Variants in AGBL4 observed in about 807,000 individuals in gnomAD.
AGBL4 encodes AGBL carboxypeptidase 4.
AGBL4 carries 58 observed loss-of-function variants against 66.4 expected under a neutral mutation model. The observed-to-expected ratio is 0.87, with a 90% CI of 0.71 to 1.09. The LOEUF is 1.09. Among genes scored for constraint, AGBL4 ranks in the 50% least tolerant of loss-of-function variants. The pLI, the probability that AGBL4 is intolerant of heterozygous loss-of-function variation, is 0.00. For synonymous variants in AGBL4, 234 were observed against 222.9 expected, an observed-to-expected ratio of 1.05 and a Z score of -0.44; for missense variants, 579 against 631.0, an observed-to-expected ratio of 0.92 and a Z score of 0.88.
intron 4 of AGBL4, among the ~76,000 whole-genome samples, chr1:49,153,813 C>G (rs1355799010): frequency 6.6e-6 from 1 of 151,820 alleles, no homozygotes; most frequent in Non-Finnish European, 1.5e-5. Flanking sequence ...TATGTAGATA[C>G]ATTTGGAAGC....
intron 4 of AGBL4, among the ~76,000 whole-genome samples, chr1:49,106,735 G>A (rs1372680824): frequency 6.6e-6 from 1 of 152,144 alleles, no homozygotes; most frequent in Non-Finnish European, 1.5e-5. Context: ...GTTCCCCAAG[G>A]AGTGCCTGAA....
chr1:49,519,367 A>T lies in AGBL4; in HGVS notation c.282+177946T>A, dbSNP rs548656099. 1.6e-3 allele frequency among the ~76,000 whole-genome samples: 250 copies of T among 152,198 alleles called. 1 individual carries two copies. The highest frequency in any genetic ancestry group is 5.6e-3 in the African/African-American group (234 of 41,582). On this transcript the variant is annotated intron_variant, in intron 3 of 13. Transcript: ENST00000371839. ...TTTTAATCTATAAAACAACTTAAAG[A>T]TGTTAACTGATATTAATATTATCAC...
At chr1:49,770,181 G>A (rs1352048355) in intron 2 of AGBL4, among the ~76,000 whole-genome samples, 2 of 152,060 alleles carry the variant, frequency 1.3e-5, no homozygotes, top group South Asian at 2.1e-4. Flanking sequence ...GGCCGTTATC[G>A]TGATGAGGTA....
intron 11 of AGBL4, among the ~76,000 whole-genome samples, chr1:48,566,353 G>T (rs1373348888): frequency 1.3e-5 from 2 of 152,180 alleles, no homozygotes; most frequent in African/African-American, 4.8e-5. Context: ...AATATCAATA[G>T]AGCTGATAAA....
rs370477766 is a variant in AGBL4 at position 49,800,544 on chromosome 1, T to C, written c.157+50852A>G. 2.5e-4 allele frequency among the ~76,000 whole-genome samples: 27 copies of C among 108,206 alleles called. 1 individual carries two copies. The South Asian group carries it at 9.4e-3, about 38-fold the overall frequency. The allele number at this position is 108,206 out of a possible 152,430, so 71.0% of individuals were successfully genotyped here. A position where few individuals can be genotyped will look rare whatever the true frequency, so the allele number is the denominator to read the frequency against. On this transcript the variant is annotated intron_variant, in intron 2 of 13. Transcript: ENST00000371839. ...CCCCACCCCACAACAGTCCCCAGAGTGTGATATTCCCCTTCCTGTGTCCAT... is the reference window on the plus strand; with the variant it reads ...CCCCACCCCACAACAGTCCCCAGAGCGTGATATTCCCCTTCCTGTGTCCAT...
intron 11 of AGBL4, among the ~76,000 whole-genome samples, chr1:48,564,609 A>C (rs1644446763): frequency 6.6e-6 from 1 of 152,164 alleles, no homozygotes; most frequent in Non-Finnish European, 1.5e-5. Context: ...TCATCTCTTA[A>C]CCAGCATGTA....
chr1:49,317,308 T>A (rs1336944597), intron 3 of AGBL4, among the ~76,000 whole-genome samples: 1 of 151,944 alleles, frequency 6.6e-6, no homozygotes, highest in Non-Finnish European at 1.5e-5. Flanking sequence ...TCGAGCTATT[T>A]ACTTTGCCTT....
At chr1:49,852,309 T>C (rs1256581210) in intron 1 of AGBL4, among the ~76,000 whole-genome samples, 1 of 152,130 alleles carries the variant, frequency 6.6e-6, no homozygotes, top group Non-Finnish European at 1.5e-5. Context: ...GAAGTAATGC[T>C]GGGTCCCATA....
chr1:49,544,398 G>A (rs1652314046), intron 3 of AGBL4, among the ~76,000 whole-genome samples: 1 of 152,114 alleles, frequency 6.6e-6, no homozygotes, highest in Admixed American at 6.5e-5. Context: ...CCATTAGCAT[G>A]GTAAAGCCAG....
chr1:48,533,792 T>A lies in AGBL4; in HGVS notation c.*381A>T. The A allele has an allele frequency of 4.4e-6, 1 of 227,964 alleles. No individual in the cohort carries two copies. Among genetic ancestry groups the A allele is most frequent in the Non-Finnish European group, 8.7e-6 (1 of 115,128 alleles). 14.1% of individuals were successfully genotyped at this position (227,964 alleles called of 1,614,324 possible). A position where few individuals can be genotyped will look rare whatever the true frequency, so the allele number is the denominator to read the frequency against. On this transcript the variant is annotated 3_prime_UTR_variant, in exon 14 of 14. Transcript: ENST00000371839. ...TAAACAACCAAGCCTATTTAAAAGG[T>A]AACCATCTGCAGTAACTATAAAACT...
At chr1:48,913,393 T>C (rs1653313970) in intron 5 of AGBL4, among the ~76,000 whole-genome samples, 1 of 152,204 alleles carries the variant, frequency 6.6e-6, no homozygotes, top group East Asian at 1.9e-4. Context: ...GGAACTGGGA[T>C]GCACAGCAGG....
At chr1:49,918,071 A>G (rs1651759149) in intron 1 of AGBL4, among the ~76,000 whole-genome samples, 1 of 152,238 alleles carries the variant, frequency 6.6e-6, no homozygotes, top group African/African-American at 2.4e-5. Flanking sequence ...AATCTCTGGG[A>G]CACATTTAAA....
intron 4 of AGBL4, among the ~76,000 whole-genome samples, chr1:49,150,413 T>C (rs1646305315): frequency 1.3e-5 from 2 of 152,116 alleles, no homozygotes; most frequent in African/African-American, 4.8e-5. Flanking sequence ...ATATATATTC[T>C]AAAATTCTAC....
At chr1:49,469,834 G>C (rs556992527) in intron 3 of AGBL4, 1 of 151,852 alleles carries the variant, frequency 6.6e-6, no homozygotes, top group East Asian at 1.9e-4. Context: ...TAAGTATTTT[G>C]CATCCATTTT....
In AGBL4 at chr1:49,568,020, GC is replaced by G. The variant is rs533414496; in HGVS notation, c.282+129292del. Among the ~76,000 whole-genome samples, 12 of 152,120 alleles carry G rather than the reference GC, an allele frequency of 7.9e-5. No individual in the cohort carries two copies. The South Asian group carries it at 2.3e-3, about 29-fold the overall frequency. The stretch of plus-strand genomic sequence containing the variant: ...CCACAGCCAACATTATACTCAATTG[GC>G]AAAAGCTGGACGAATTCCATTGAAA... On this transcript the variant is annotated intron_variant, in intron 3 of 13. Coordinates refer to ENST00000371839, the MANE Select transcript of AGBL4 (RefSeq NM_032785.4).
At chr1:48,669,526 A>C (rs1319926083) in intron 6 of AGBL4, among the ~76,000 whole-genome samples, 1 of 152,198 alleles carries the variant, frequency 6.6e-6, no homozygotes, top group African/African-American at 2.4e-5. Context: ...CCTCAGAGGC[A>C]AAATAGCCCC....
chr1:48,578,157 T>C (rs1455504764), intron 11 of AGBL4, among the ~76,000 whole-genome samples: 1 of 152,140 alleles, frequency 6.6e-6, no homozygotes, highest in Non-Finnish European at 1.5e-5. Context: ...ATGCTAAAGA[T>C]AGGAAAATTA....
At chr1:49,288,553 A>G (rs1273803638) in intron 3 of AGBL4, among the ~76,000 whole-genome samples, 1 of 152,118 alleles carries the variant, frequency 6.6e-6, no homozygotes, top group Non-Finnish European at 1.5e-5. Context: ...TTTTCCTTCA[A>G]TTCACTTGCA....
intron 5 of AGBL4, among the ~76,000 whole-genome samples, chr1:48,902,624 C>T (rs1282206874): frequency 2.0e-5 from 3 of 152,130 alleles, no homozygotes; most frequent in African/African-American, 7.2e-5. Flanking sequence ...TCAAGGAATA[C>T]AGAAGGAAGC....
Sources: gnomAD v4.1 joint callset for allele counts (sites outside exome capture counted in the v4.1 genomes callset) on GRCh38, gnomAD v4.1.1 for gene constraint, MANE v1.5 for transcripts, NCBI Gene and HGNC (gene_info 2026-07-23, HGNC 2026-07-21) for gene names.